Variants in PPP1R12B observed in about 807,000 individuals in gnomAD.
The protein encoded by PPP1R12B is protein phosphatase 1 regulatory subunit 12B, also known as myosin phosphatase target subunit 2.
Under a neutral mutation model 126.1 loss-of-function variants are expected in PPP1R12B, and 76 were observed. The observed-to-expected ratio is 0.60, with a 90% CI of 0.50 to 0.73. The LOEUF (loss-of-function observed/expected upper bound fraction) is 0.73. Among genes scored for constraint, PPP1R12B ranks in the 30% least tolerant of loss-of-function variants. The pLI is 0.00. For missense variants in PPP1R12B, 1,052 were observed against 1,205.1 expected (o/e 0.87, Z 1.88); for synonymous variants, 356 against 434.7 (o/e 0.82, Z 2.25).
chr1:202,526,770 T>C (rs1412746302), intron 18 of PPP1R12B, among the ~76,000 whole-genome samples: 1 of 152,168 alleles, frequency 6.6e-6, no homozygotes, highest in Non-Finnish European at 1.5e-5. Flanking sequence ...TATAGTTTTT[T>C]GTAATGGCAA....
chr1:202,436,221 GCA>G (rs1264468213), intron 9 of PPP1R12B, among the ~76,000 whole-genome samples: 60 of 152,138 alleles, frequency 3.9e-4, no homozygotes, highest in African/African-American at 1.3e-3. Flanking sequence ...AGCTGTGATT[GCA>G]CCATTGCACT....
rs557928638 is a variant in PPP1R12B at position 202,499,725 on chromosome 1, C to A, written c.2490+2903C>A. ...TACTTCACTTGTATAGCAGTGACAA[C>A]AACGTGGTTTAAGACCTTTCTGTTG... On this transcript the variant is annotated intron_variant, in intron 18 of 23. Transcript: ENST00000608999. Among the ~76,000 whole-genome samples, 7 of 152,332 alleles carry A rather than the reference C, an allele frequency of 4.6e-5. No homozygotes were observed. In the South Asian group the frequency reaches 1.4e-3, roughly 32 times the overall value.
chr1:202,355,496 T>C (rs772896910), intron 1 of PPP1R12B, among the ~76,000 whole-genome samples: 7 of 152,030 alleles, frequency 4.6e-5, no homozygotes, highest in Non-Finnish European at 8.8e-5. Flanking sequence ...ATGGGTGTGG[T>C]GTGTAGGCAG....
intron 10 of PPP1R12B, chr1:202,439,291 A>T: frequency 2.8e-6 from 4 of 1,422,976 alleles, no homozygotes; most frequent in Non-Finnish European, 4.0e-6. Flanking sequence ...CAGCAGGGTG[A>T]GTACAGTGAG....
At chr1:202,414,212 A>G (rs949534594) in intron 1 of PPP1R12B, among the ~76,000 whole-genome samples, 17 of 152,346 alleles carry the variant, frequency 1.1e-4, no homozygotes, top group African/African-American at 4.1e-4. Flanking sequence ...ATGAGCCACC[A>G]TACCCGACCT....
intron 2 of PPP1R12B, among the ~76,000 whole-genome samples, chr1:202,420,573 ATG>A (rs1295926103): frequency 6.6e-6 from 1 of 152,200 alleles, no homozygotes; most frequent in Admixed American, 6.5e-5. Flanking sequence ...AGTGCTTACT[ATG>A]TGTATTATTT....
intron 1 of PPP1R12B, among the ~76,000 whole-genome samples, chr1:202,395,859 G>A (rs1664906928): frequency 6.6e-6 from 1 of 152,044 alleles, no homozygotes; most frequent in Non-Finnish European, 1.5e-5. Context: ...ATTTCTCTGT[G>A]GTTACACCTA....
chr1:202,533,289 A>ATTTTGTTTTGTTTTG (rs58502239), intron 18 of PPP1R12B, among the ~76,000 whole-genome samples: 2 of 148,790 alleles, frequency 1.3e-5, no homozygotes, highest in African/African-American at 2.5e-5. Context: ...TTTTGGGGGT[A>ATTTTGTTTTGTTTTG]TTTTGTTTTG....
intron 18 of PPP1R12B, among the ~76,000 whole-genome samples, chr1:202,535,059 G>GTGTGTGTA (rs970010616): frequency 1.1e-4 from 17 of 150,198 alleles, no homozygotes; most frequent in African/African-American, 4.0e-4. Flanking sequence ...GTGTGTATGT[G>GTGTGTGTA]TGTGTGTGTG....
At chr1:202,569,438 GGA>G (rs1299351706) in intron 23 of PPP1R12B, among the ~76,000 whole-genome samples, 1 of 152,178 alleles carries the variant, frequency 6.6e-6, no homozygotes, top group African/African-American at 2.4e-5. Context: ...TTTGGTTTAA[GGA>G]GAGGTCTTGG....
At chr1:202,456,227 C>G (rs1206123393) in intron 13 of PPP1R12B, among the ~76,000 whole-genome samples, 3 of 151,282 alleles carry the variant, frequency 2.0e-5, no homozygotes, top group African/African-American at 7.3e-5. Flanking sequence ...CGAGATTGTA[C>G]CAGTGCACTC....
chr1:202,523,201 T>C (rs552412148), intron 18 of PPP1R12B, among the ~76,000 whole-genome samples: 15 of 152,298 alleles, frequency 9.8e-5, no homozygotes, highest in African/African-American at 3.4e-4. Flanking sequence ...GTCAACAGTA[T>C]AGACAATGAT....
Position 202,556,732 on chromosome 1 carries a change from G to C in PPP1R12B, c.2491-2145G>C, listed in dbSNP as rs78574439. On this transcript the variant is annotated intron_variant, in intron 18 of 23. Transcript: ENST00000608999. Reference sequence around the variant, plus strand: ...ATGTTCACAGTGCTCTCCTGGTTCTGTCGTGCAACTTGTTCTGCTTCTTCC... The same window carrying C: ...ATGTTCACAGTGCTCTCCTGGTTCTCTCGTGCAACTTGTTCTGCTTCTTCC... Among the ~76,000 whole-genome samples the C allele has an allele frequency of 4.1e-3, 625 of 152,238 alleles. 2 individuals carry two copies. Among genetic ancestry groups the C allele is most frequent in the African/African-American group, 0.014 (594 of 41,538 alleles).
intron 8 of PPP1R12B, 63 bp downstream of exon 8, chr1:202,431,682 G>C: frequency 6.8e-7 from 1 of 1,478,804 alleles, no homozygotes; most frequent in Non-Finnish European, 9.0e-7. Flanking sequence ...ATTACTCCTT[G>C]TCAGAGAGCT....
chr1:202,545,126 C>T (rs764292200), intron 18 of PPP1R12B, among the ~76,000 whole-genome samples: 2 of 152,236 alleles, frequency 1.3e-5, no homozygotes, highest in Non-Finnish European at 2.9e-5. Flanking sequence ...GAATGAGAAA[C>T]ACTTGGATGA....
chr1:202,423,977 G>C (rs375649309), intron 3 of PPP1R12B, among the ~76,000 whole-genome samples: 1 of 152,100 alleles, frequency 6.6e-6, no homozygotes, highest in Admixed American at 6.5e-5. Context: ...GAGCTATAGC[G>C]CCTGGCTTTG....
chr1:202,579,551 G>A (rs527876695), intron 23 of PPP1R12B, among the ~76,000 whole-genome samples: 1 of 152,222 alleles, frequency 6.6e-6, no homozygotes, highest in East Asian at 1.9e-4. Context: ...CAGCGTACTT[G>A]TTGAAAGTGC....
At chr1:202,439,411 C>T in intron 10 of PPP1R12B, 1 of 1,243,896 alleles carries the variant, frequency 8.0e-7, no homozygotes, top group Non-Finnish European at 1.2e-6. Context: ...AGCACGGAGA[C>T]CGCCCTGTAC....
chr1:202,531,596 AAATGG>A, intron 18 of PPP1R12B, among the ~76,000 whole-genome samples: 1 of 152,332 alleles, frequency 6.6e-6, no homozygotes, highest in East Asian at 1.9e-4. Context: ...TTATATTCAT[AAATGG>A]ACTGAAAATG....
Sources: gnomAD v4.1 joint callset for allele counts (sites outside exome capture counted in the v4.1 genomes callset) on GRCh38, gnomAD v4.1.1 for gene constraint, MANE v1.5 for transcripts, NCBI Gene and HGNC (gene_info 2026-07-23, HGNC 2026-07-21) for gene names.